The following MSMO1 variants were observed in gnomAD, a reference collection of about 807,000 sequenced individuals.
The protein encoded by MSMO1 is methylsterol monooxygenase 1.
A neutral mutation model predicts 30.4 loss-of-function variants in MSMO1; 18 were observed. That is an observed-to-expected ratio of 0.59 (90% CI 0.41 to 0.88). The LOEUF is 0.88. Among genes scored for constraint, MSMO1 ranks in the 40% least tolerant of loss-of-function variants. The pLI is 0.00. For missense variants in MSMO1, 284 were observed against 340.5 expected (o/e 0.83, Z 1.31); for synonymous variants, 84 against 107.9 (o/e 0.78, Z 1.37).
chr4:165,342,668 A>G lies in MSMO1; in HGVS notation c.*722A>G, dbSNP rs1747748668. On this transcript the variant is annotated 3_prime_UTR_variant, in exon 6 of 6. Transcript: ENST00000261507. ...CACTGCGCCCGGCCTTTTTAACTTT[A>G]AACATGTTTTAGAATTCACCTAAAG... The G allele has an allele frequency of 6.6e-6, 1 of 152,142 alleles. No homozygotes were observed. The highest frequency in any genetic ancestry group is 2.1e-4 in the South Asian group (1 of 4,828). 9.4% of individuals were successfully genotyped at this position (152,142 alleles called of 1,614,324 possible).
At chr4:165,334,330 G>T (rs375105983) in intron 2 of MSMO1, among the ~76,000 whole-genome samples, 1 of 152,190 alleles carries the variant, frequency 6.6e-6, no homozygotes, top group Non-Finnish European at 1.5e-5. Flanking sequence ...GTTAAATTGG[G>T]CTTTAAGTAG....
At chr4:165,331,926 C>T (rs960312793) in intron 1 of MSMO1, among the ~76,000 whole-genome samples, 3 of 148,274 alleles carry the variant, frequency 2.0e-5, no homozygotes, top group African/African-American at 7.9e-5. Flanking sequence ...ATTTCCTACC[C>T]CGCCGCGCTC....
rs1747604097 is a variant in MSMO1, at chr4:165,337,898, A to G, written c.365A>G (p.Tyr122Cys). The G allele has an allele frequency of 7.4e-6, 12 of 1,613,432 alleles. No homozygotes were observed. In the East Asian group the frequency reaches 2.5e-4, roughly 33 times the overall value. Residue 122 changes from tyrosine (Y) to cysteine (C), a missense_variant, in exon 3 of 6, where the codon TAT becomes TGT. Transcript: ENST00000261507. ...TGTGGAACCTATTATTTTACAGAGT[A>G]TTTCAATATTCCTTATGATTGGGAA... ...LICGTYYFTE[Y>C]FNIPYDWERM... is the part of the protein sequence containing the mutation.
rs188630596 is a variant in MSMO1, at chr4:165,341,998, C to T, written c.*52C>T. On this transcript the variant is annotated 3_prime_UTR_variant, in exon 6 of 6. Coordinates refer to ENST00000261507, the MANE Select transcript of MSMO1 (RefSeq NM_006745.5). ...ATAAACGTTTTCCTGAATTCAGAAA[C>T]TAGTAGCTAACATTGCTTCTGGAGA... is the stretch of plus-strand genomic sequence containing the variant. The T allele has an allele frequency of 7.0e-7, 1 of 1,429,972 alleles. No homozygotes were observed. Among genetic ancestry groups the T allele is most frequent in the East Asian group, 2.3e-5 (1 of 43,696 alleles). The allele number at this position is 1,429,972 out of a possible 1,614,324, so 88.6% of individuals were successfully genotyped here.
At chr4:165,335,507 CT>C (rs1045628224) in intron 2 of MSMO1, among the ~76,000 whole-genome samples, 1 of 152,108 alleles carries the variant, frequency 6.6e-6, no homozygotes, top group African/African-American at 2.4e-5. Flanking sequence ...TCTAATGCAC[CT>C]TTAGGGTGAT....
At chr4:165,331,863 T>C (rs1747398580) in intron 1 of MSMO1, among the ~76,000 whole-genome samples, 1 of 152,196 alleles carries the variant, frequency 6.6e-6, no homozygotes, top group African/African-American at 2.4e-5. Context: ...TTAAAAAGTT[T>C]AAATTGTGCA....
intron 2 of MSMO1, among the ~76,000 whole-genome samples, chr4:165,334,196 AT>A (rs1325152574): frequency 2.0e-5 from 3 of 152,220 alleles, no homozygotes; most frequent in Non-Finnish European, 4.4e-5. Flanking sequence ...TTTTACATTA[AT>A]TTTAGTCTAT....
chr4:165,337,963 A>T, intron 3 of MSMO1, 26 bp downstream of exon 3: 1 of 1,608,280 alleles, frequency 6.2e-7, no homozygotes, highest in Non-Finnish European at 8.5e-7. Flanking sequence ...TTTGGCTTTT[A>T]CACCCAATTG....
Position 165,333,516 on chromosome 4 carries a change from T to C in MSMO1, c.146T>C (p.Ile49Thr), listed in dbSNP as rs754842147. The C allele has an allele frequency of 6.2e-7, 1 of 1,613,656 alleles. No homozygotes were observed. The highest frequency in any genetic ancestry group is 8.5e-7 in the Non-Finnish European group (1 of 1,179,788). ...TTGAATAATTATACAAAGTTCCAGATTGCAACATGGGGATCCCTTATAGTT... is the reference window on the plus strand; with the variant it reads ...TTGAATAATTATACAAAGTTCCAGACTGCAACATGGGGATCCCTTATAGTT... The part of the protein sequence containing the change: ...YMLNNYTKFQ[I>T]ATWGSLIVHE... The change falls in exon 2 of 6, where the codon ATT becomes ACT. Residue 49 changes from isoleucine to threonine, a missense_variant. Transcript: ENST00000261507.
intron 1 of MSMO1, among the ~76,000 whole-genome samples, chr4:165,329,165 T>C (rs1747317862): frequency 6.6e-6 from 1 of 152,202 alleles, no homozygotes; most frequent in Admixed American, 6.5e-5. Context: ...TGGGAAACTT[T>C]CCAGCTTCAA....
intron 1 of MSMO1, among the ~76,000 whole-genome samples, chr4:165,331,766 C>CA (rs766135537): frequency 6.6e-6 from 1 of 152,158 alleles, no homozygotes; most frequent in Non-Finnish European, 1.5e-5. Flanking sequence ...CAGTGGTGAA[C>CA]ATTTTTAGGA....
Position 165,341,990 on chromosome 4 carries a change from T to C in MSMO1, c.*44T>C. 1 of 1,482,362 alleles carries C rather than the reference T, an allele frequency of 6.7e-7. No homozygotes were observed. Among genetic ancestry groups the C allele is most frequent in the South Asian group, 1.1e-5 (1 of 87,424 alleles). The allele number at this position is 1,482,362 out of a possible 1,614,324, so 91.8% of individuals were successfully genotyped here. A position where few individuals can be genotyped will look rare whatever the true frequency, so the allele number is the denominator to read the frequency against. On this transcript the variant is annotated 3_prime_UTR_variant, in exon 6 of 6. Transcript: ENST00000261507. Reference sequence around the variant, plus strand: ...CCTGAAAGATAAACGTTTTCCTGAATTCAGAAACTAGTAGCTAACATTGCT... The same window carrying C: ...CCTGAAAGATAAACGTTTTCCTGAACTCAGAAACTAGTAGCTAACATTGCT...
chr4:165,327,733 CGGTGGCCGG>C lies in MSMO1; in HGVS notation c.-62_-54del, dbSNP rs762325270. The C allele has an allele frequency of 2.6e-5, 4 of 152,328 alleles. No homozygotes were observed. The highest frequency in any genetic ancestry group is 4.4e-5 in the Non-Finnish European group (3 of 68,128). 9.4% of individuals were successfully genotyped at this position (152,328 alleles called of 1,614,324 possible). A position where few individuals can be genotyped will look rare whatever the true frequency, so the allele number is the denominator to read the frequency against. Reference sequence around the variant, plus strand: ...GGAACACCTGGCGAGTCCTCGGTGTCGGTGGCCGGCAGTCATCTCGCGGCCGTTCAGGTG... The same window carrying C: ...GGAACACCTGGCGAGTCCTCGGTGTCCAGTCATCTCGCGGCCGTTCAGGTG... On this transcript the variant is annotated 5_prime_UTR_variant, in exon 1 of 6. Transcript: ENST00000261507.
rs1747730055 is a variant in MSMO1 at position 165,342,035 on chromosome 4, C to T, written c.*89C>T. The T allele has an allele frequency of 4.5e-6, 5 of 1,107,200 alleles. No homozygotes were observed. In the South Asian group the frequency reaches 5.3e-5, roughly 12 times the overall value. The allele number at this position is 1,107,200 out of a possible 1,614,324, so 68.6% of individuals were successfully genotyped here. A position where few individuals can be genotyped will look rare whatever the true frequency, so the allele number is the denominator to read the frequency against. On this transcript the variant is annotated 3_prime_UTR_variant, in exon 6 of 6. Coordinates refer to ENST00000261507, the MANE Select transcript of MSMO1 (RefSeq NM_006745.5). The stretch of plus-strand genomic sequence containing the variant: ...ATTGCTTCTGGAGAGCAGAAATAAG[C>T]ATGTCTTCTGGCTACTAAGTGATAA...
chr4:165,334,977 TC>T (rs1214356092), intron 2 of MSMO1, among the ~76,000 whole-genome samples: 1 of 152,250 alleles, frequency 6.6e-6, no homozygotes, highest in Non-Finnish European at 1.5e-5. Context: ...GTCTTTTTTT[TC>T]CTTGTCATTA....
In MSMO1 at chr4:165,329,218, G is replaced by T. The variant is rs563920554; in HGVS notation, c.-32+1454G>T. On this transcript the variant is annotated intron_variant, in intron 1 of 5. Transcript: ENST00000261507. ...ATCTCCTGGTTGAGTCTTTGGAGTT[G>T]CTGTTCTCTCTATGCAAAACCCCTC... 2.0e-5 allele frequency among the ~76,000 whole-genome samples: 3 copies of T among 152,174 alleles called. No individual in the cohort carries two copies. In the South Asian group the frequency reaches 6.2e-4, roughly 31 times the overall value.
At chr4:165,339,752 C>T (rs190272621) in intron 4 of MSMO1, among the ~76,000 whole-genome samples, 9 of 152,156 alleles carry the variant, frequency 5.9e-5, no homozygotes. Context: ...GTGAAGTCTC[C>T]AGTGAAGCAG....
chr4:165,328,550 G>A (rs1435174248), intron 1 of MSMO1, among the ~76,000 whole-genome samples: 1 of 152,192 alleles, frequency 6.6e-6, no homozygotes. Flanking sequence ...GGTGAAATCC[G>A]TGTTAAAGTG....
intron 3 of MSMO1, 36 bp from the exon 4 acceptor site, chr4:165,338,616 T>C (rs753637985): frequency 6.3e-7 from 1 of 1,575,302 alleles, no homozygotes; most frequent in Non-Finnish European, 8.7e-7. Context: ...TAAGTAAAAA[T>C]TATTTCTTAC....
Sources: gnomAD v4.1 joint callset for allele counts (sites outside exome capture counted in the v4.1 genomes callset) on GRCh38, gnomAD v4.1.1 for gene constraint, MANE v1.5 for transcripts, NCBI Gene and HGNC (gene_info 2026-07-23, HGNC 2026-07-21) for gene names.